The following NUP98 variants were observed in gnomAD, a reference collection of about 807,000 sequenced individuals.
The protein encoded by NUP98 is nucleoporin 98 and 96 precursor.
NUP98 carries 26 observed loss-of-function variants against 191.9 expected under a neutral mutation model. That is an observed-to-expected ratio of 0.14 (90% CI 0.10 to 0.19). The LOEUF (loss-of-function observed/expected upper bound fraction) is 0.19. Among genes scored for constraint, NUP98 ranks in the 10% least tolerant of loss-of-function variants. The pLI, the probability that NUP98 is intolerant of heterozygous loss-of-function variation, is 1.00. For missense variants in NUP98, 1,941 were observed against 2,178.8 expected (o/e 0.89, Z 2.17); for synonymous variants, 808 against 778.4 (o/e 1.04, Z -0.63).
intron 12 of NUP98, among the ~76,000 whole-genome samples, chr11:3,742,720 G>T (rs1298921961): frequency 1.6e-5 from 2 of 125,648 alleles, no homozygotes; most frequent in East Asian, 4.7e-4. Context: ...AAAAAAAAAA[G>T]ATGAGAAAAG....
intron 18 of NUP98, among the ~76,000 whole-genome samples, chr11:3,715,357 G>A (rs747808565): frequency 6.6e-6 from 1 of 152,064 alleles, no homozygotes. Context: ...ATGTTGGTCA[G>A]ACTGGGCTCA....
rs141781729 is a variant in NUP98, at chr11:3,744,514, G to T, written c.1403C>A (p.Pro468Gln). ...ATLGFGAPQA[P>Q]VALTDPNASA... ...CTAAAGTGACTGACACTTACCTACT[G>T]GGGCCTGGGGGGCTCCAAAGCCCAA... The change falls in exon 12 of 33, where the codon CCA becomes CAA. Residue 468 changes from proline to glutamine, a missense_variant. Around this residue, in one of 6 missense-constraint regions of NUP98, gnomAD observed 453 missense variants for 438.2 expected, o/e 1.03. Transcript: ENST00000324932. 6.2e-7 allele frequency: 1 copy of T among 1,603,140 alleles called. No individual in the cohort carries two copies. The highest frequency in any genetic ancestry group is 8.5e-7 in the Non-Finnish European group (1 of 1,176,870).
intron 10 of NUP98, among the ~76,000 whole-genome samples, chr11:3,755,935 C>T (rs2080944662): frequency 6.6e-6 from 1 of 152,172 alleles, no homozygotes; most frequent in Non-Finnish European, 1.5e-5. Flanking sequence ...TGCACTCCAG[C>T]CTGGGTGACA....
At position 3,797,409 on chromosome 11, in the gene NUP98, G is replaced by A; in HGVS notation, c.-38C>T. 2.5e-6 allele frequency: 1 copy of A among 403,478 alleles called. No homozygotes were observed. Among genetic ancestry groups the A allele is most frequent in the Non-Finnish European group, 4.4e-6 (1 of 228,644 alleles). 25.0% of individuals were successfully genotyped at this position (403,478 alleles called of 1,614,324 possible). On this transcript the variant is annotated 5_prime_UTR_variant, in exon 1 of 33. Coordinates refer to ENST00000324932, the MANE Select transcript of NUP98 (RefSeq NM_016320.5). ...CGGGCTCCCGACTTACCGCGGTTCG[G>A]TGGGGAAGGGGAAGTGTCAGGAGTC... is the stretch of plus-strand genomic sequence containing the variant.
chr11:3,722,791 C>T (rs1313308470), intron 16 of NUP98, among the ~76,000 whole-genome samples: 4 of 151,938 alleles, frequency 2.6e-5, no homozygotes, highest in East Asian at 1.9e-4. Context: ...CCAGCCTGGG[C>T]GACAGAGCGA....
At chr11:3,749,020 T>C (rs1353317457) in intron 11 of NUP98, among the ~76,000 whole-genome samples, 1 of 151,438 alleles carries the variant, frequency 6.6e-6, no homozygotes, top group African/African-American at 2.4e-5. Flanking sequence ...TAAAAATAAA[T>C]TAAGAGGGCC....
chr11:3,792,946 C>T (rs2082404806), intron 1 of NUP98, among the ~76,000 whole-genome samples: 1 of 151,800 alleles, frequency 6.6e-6, no homozygotes, highest in Non-Finnish European at 1.5e-5. Flanking sequence ...CCCGTCTCTA[C>T]TAAAAATACA....
At chr11:3,699,826 A>G (rs759565463) in intron 24 of NUP98, among the ~76,000 whole-genome samples, 5 of 152,228 alleles carry the variant, frequency 3.3e-5, no homozygotes, top group Non-Finnish European at 5.9e-5. Context: ...GGCATAGGAC[A>G]TTCTAAAACA....
chr11:3,769,577 A>G (rs1487939014), intron 7 of NUP98, among the ~76,000 whole-genome samples: 1 of 91,764 alleles, frequency 1.1e-5, no homozygotes, highest in Non-Finnish European at 2.4e-5. Context: ...TTCTGTCTCA[A>G]AAAAAAAAAA....
At chr11:3,757,787 G>A (rs552741321) in intron 10 of NUP98, among the ~76,000 whole-genome samples, 3 of 152,080 alleles carry the variant, frequency 2.0e-5, no homozygotes, top group East Asian at 3.9e-4. Context: ...TGACAAGAGC[G>A]AAACTCCGTC....
chr11:3,684,766 CAAAAAAAAAAAAAAAAAA>C (rs71041370), intron 29 of NUP98, among the ~76,000 whole-genome samples: 16 of 101,800 alleles, frequency 1.6e-4, no homozygotes, highest in East Asian at 6.1e-4. Context: ...TTTCACAGGC[CAAAAAAAAAAAAAAAAAA>C]AAAAAAAAAA....
chr11:3,679,469 T>C, intron 31 of NUP98, 85 bp downstream of exon 31: 1 of 1,442,594 alleles, frequency 6.9e-7, no homozygotes, highest in Non-Finnish European at 9.7e-7. Context: ...CATTCTCAAG[T>C]GTATACTAAG....
At chr11:3,688,454 T>C (rs1214374006) in intron 28 of NUP98, among the ~76,000 whole-genome samples, 2 of 151,390 alleles carry the variant, frequency 1.3e-5, no homozygotes, top group African/African-American at 4.9e-5. Flanking sequence ...CAGTAAATTT[T>C]AGTTACATTT....
intron 1 of NUP98, among the ~76,000 whole-genome samples, chr11:3,792,908 CAGG>C (rs756099660): frequency 3.3e-5 from 5 of 151,836 alleles, no homozygotes; most frequent in Non-Finnish European, 7.4e-5. Context: ...CACTTGAGGC[CAGG>C]AGTTCAAACC....
At chr11:3,753,950 A>AAAAT (rs1179928873) in intron 10 of NUP98, among the ~76,000 whole-genome samples, 4 of 150,704 alleles carry the variant, frequency 2.7e-5, no homozygotes, top group Non-Finnish European at 4.4e-5. Context: ...AAAACAAATA[A>AAAAT]AAATAAATAA....
chr11:3,732,557 G>C (rs1454061802), intron 13 of NUP98, among the ~76,000 whole-genome samples: 1 of 152,088 alleles, frequency 6.6e-6, no homozygotes, highest in Non-Finnish European at 1.5e-5. Flanking sequence ...GCAGATACTA[G>C]CTTGTATTTA....
At chr11:3,690,693 A>G (rs2078286302) in intron 28 of NUP98, among the ~76,000 whole-genome samples, 1 of 152,246 alleles carries the variant, frequency 6.6e-6, no homozygotes, top group South Asian at 2.1e-4. Flanking sequence ...TGGAGCAACT[A>G]GAGATATTAC....
chr11:3,791,106 A>G (rs532590150), intron 1 of NUP98, among the ~76,000 whole-genome samples: 249 of 152,042 alleles, frequency 1.6e-3, no homozygotes, highest in Non-Finnish European at 2.7e-3. Flanking sequence ...CGTGTTAGCC[A>G]GGATGGTCTC....
chr11:3,754,146 T>C (rs1159889857), intron 10 of NUP98, among the ~76,000 whole-genome samples: 1 of 151,894 alleles, frequency 6.6e-6, no homozygotes, highest in African/African-American at 2.4e-5. Flanking sequence ...ATGAAACAAC[T>C]GGCCAGGTGT....
Sources: gnomAD v4.1 joint callset for allele counts (sites outside exome capture counted in the v4.1 genomes callset) on GRCh38, gnomAD v4.1.1 for gene constraint, gnomAD v4.1.1 regional missense constraint, MANE v1.5 for transcripts, NCBI Gene and HGNC (gene_info 2026-07-23, HGNC 2026-07-21) for gene names.